The following CAMTA1 variants were observed in gnomAD, a reference collection of about 807,000 sequenced individuals.
CAMTA1 encodes the protein calmodulin binding transcription activator 1, also known as calmodulin-binding transcription activator 1.
In CAMTA1, 27 loss-of-function variants were observed where a neutral mutation model predicts 170.9. The ratio of observed to expected loss-of-function variants is 0.16; its 90% CI spans 0.12 to 0.22. The LOEUF (loss-of-function observed/expected upper bound fraction) is 0.22, where lower values mean the gene tolerates loss of function less well. Ranked by LOEUF, CAMTA1 falls within the 10% of genes least tolerant of loss-of-function variation. The probability of loss-of-function intolerance (pLI) is 1.00; values close to 1 mark genes in which losing one functional copy is unlikely to be tolerated. For synonymous variants in CAMTA1, 833 were observed against 891.5 expected, an observed-to-expected ratio of 0.93 and a Z score of 1.17; for missense variants, 1,619 against 2,217.2, an observed-to-expected ratio of 0.73 and a Z score of 5.42.
intron 5 of CAMTA1, among the ~76,000 whole-genome samples, chr1:7,423,912 AC>A (rs2091730160): frequency 6.6e-6 from 1 of 152,190 alleles, no homozygotes. Context: ...AATGCTGCTT[AC>A]ACCTTTATCA....
At chr1:7,073,240 T>A (rs1261687884) in intron 3 of CAMTA1, among the ~76,000 whole-genome samples, 1 of 152,080 alleles carries the variant, frequency 6.6e-6, no homozygotes, top group African/African-American at 2.4e-5. Flanking sequence ...GGGGGGAAGC[T>A]ACAGAAAGAA....
chr1:7,732,340 G>C lies in CAMTA1; in HGVS notation c.2915-108G>C, dbSNP rs2096740061. The C allele has an allele frequency of 1.1e-6, 1 of 901,644 alleles. No individual in the cohort carries two copies. Among genetic ancestry groups the C allele is most frequent in the Admixed American group, 1.9e-5 (1 of 51,290 alleles). The allele number at this position is 901,644 out of a possible 1,614,324, so 55.9% of individuals were successfully genotyped here. A position where few individuals can be genotyped will look rare whatever the true frequency, so the allele number is the denominator to read the frequency against. ...CTGGCGGAGACCTCTCTGGTTTGGT[G>C]AAGTTACGGACGGCATTTGGATGCT... On this transcript the variant is annotated intron_variant, in intron 11 of 22. Transcript: ENST00000303635. The surrounding 1 kb of genome is among the most constrained non-coding windows in gnomAD (Gnocchi z 4.1).
At chr1:6,910,660 G>A (rs969313126) in intron 3 of CAMTA1, among the ~76,000 whole-genome samples, 1 of 152,234 alleles carries the variant, frequency 6.6e-6, no homozygotes, top group African/African-American at 2.4e-5. Context: ...TGTCCTTGCA[G>A]TCCATCTTGT....
chr1:7,340,485 A>T (rs1416505425), intron 5 of CAMTA1, among the ~76,000 whole-genome samples: 1 of 151,770 alleles, frequency 6.6e-6, no homozygotes. Context: ...AGGGCCCAGG[A>T]AGTAGCCCTT....
chr1:7,177,706 A>G (rs1481645764), intron 4 of CAMTA1, among the ~76,000 whole-genome samples: 1 of 146,960 alleles, frequency 6.8e-6, no homozygotes, highest in Non-Finnish European at 1.5e-5. Flanking sequence ...CTCCCCACAC[A>G]CAGTCCCACA....
chr1:6,862,756 A>G (rs1453891835), intron 3 of CAMTA1, among the ~76,000 whole-genome samples: 1 of 152,146 alleles, frequency 6.6e-6, no homozygotes, highest in Admixed American at 6.5e-5. Context: ...GCATCATTTA[A>G]AGGTGGAATT....
intron 4 of CAMTA1, among the ~76,000 whole-genome samples, chr1:7,100,974 C>A (rs1642647581): frequency 6.6e-6 from 1 of 152,236 alleles, no homozygotes; most frequent in African/African-American, 2.4e-5. Flanking sequence ...GACACCCCAA[C>A]AGGAGACTGC....
In CAMTA1 at chr1:7,635,557, C is replaced by T. The variant is rs981903742; in HGVS notation, c.511-4843C>T. 2.0e-5 allele frequency among the ~76,000 whole-genome samples: 3 copies of T among 150,124 alleles called. No homozygotes were observed. The highest frequency in any genetic ancestry group is 4.2e-4 in the South Asian group (2 of 4,736). The stretch of plus-strand genomic sequence containing the variant: ...CCGGGAGGCGGAGGTTGCAGTGAGC[C>T]GAGATCGCGCCACTGCACTCCAGCC... On this transcript the variant is annotated intron_variant, in intron 6 of 22. Transcript: ENST00000303635. The surrounding 1 kb of genome is among the most constrained non-coding windows in gnomAD (Gnocchi z 4.4).
In CAMTA1 at chr1:7,535,410, G is replaced by A. The variant is rs150330149; in HGVS notation, c.510+67509G>A. Reference sequence around the variant, plus strand: ...GTGCAGGGGCAGGCTCAATCTTTACGTCAGACAGAGTATGTGGGCTCAGGA... The same window carrying A: ...GTGCAGGGGCAGGCTCAATCTTTACATCAGACAGAGTATGTGGGCTCAGGA... On this transcript the variant is annotated intron_variant, in intron 6 of 22. Coordinates refer to ENST00000303635, the MANE Select transcript of CAMTA1 (RefSeq NM_015215.4). Among the ~76,000 whole-genome samples, 408 of 152,254 alleles carry A rather than the reference G, an allele frequency of 2.7e-3. 2 individuals carry two copies. Among genetic ancestry groups the A allele is most frequent in the African/African-American group, 8.4e-3 (350 of 41,550 alleles).
chr1:7,169,547 C>T (rs1435976163), intron 4 of CAMTA1, among the ~76,000 whole-genome samples: 5 of 151,972 alleles, frequency 3.3e-5, no homozygotes, highest in African/African-American at 1.2e-4. Flanking sequence ...TTGCTCATGC[C>T]AGGCTGGAGT....
intron 4 of CAMTA1, among the ~76,000 whole-genome samples, chr1:7,213,413 G>C (rs929905129): frequency 6.6e-6 from 1 of 151,966 alleles, no homozygotes; most frequent in African/African-American, 2.4e-5. Flanking sequence ...ATTCTCTTTG[G>C]TGAATTACCT....
intron 5 of CAMTA1, among the ~76,000 whole-genome samples, chr1:7,267,244 T>G (rs567480062): frequency 1.3e-4 from 20 of 152,294 alleles, no homozygotes; most frequent in Non-Finnish European, 2.4e-4. Context: ...CTGGGATGGA[T>G]TTTAGATGGC....
intron 3 of CAMTA1, among the ~76,000 whole-genome samples, chr1:7,087,234 G>A (rs1384688414): frequency 1.3e-5 from 2 of 152,140 alleles, no homozygotes. Flanking sequence ...TCCCCTCGTC[G>A]GCGGGAGCAT....
intron 3 of CAMTA1, among the ~76,000 whole-genome samples, chr1:6,879,217 T>C (rs1450390781): frequency 6.6e-6 from 1 of 152,176 alleles, no homozygotes; most frequent in Non-Finnish European, 1.5e-5. Flanking sequence ...AACTCAGTCA[T>C]CCTAGGAGAA....
At chr1:7,514,409 C>A (rs374500992) in intron 6 of CAMTA1, among the ~76,000 whole-genome samples, 2 of 152,222 alleles carry the variant, frequency 1.3e-5, no homozygotes. Context: ...AGGGCATTGA[C>A]TTGTTCTGCA....
intron 11 of CAMTA1, among the ~76,000 whole-genome samples, chr1:7,725,136 A>AT (rs758766593): frequency 2.0e-5 from 3 of 152,178 alleles, no homozygotes; most frequent in Non-Finnish European, 2.9e-5. Context: ...CGTCAGAATG[A>AT]TTGAGTTTTT....
intron 3 of CAMTA1, among the ~76,000 whole-genome samples, chr1:6,900,620 T>C (rs895979594): frequency 2.0e-5 from 3 of 152,136 alleles, no homozygotes; most frequent in African/African-American, 7.2e-5. Flanking sequence ...ACAAGATCAA[T>C]TGTATTTCTA....
At chr1:7,702,361 C>T (rs1479185499) in intron 11 of CAMTA1, among the ~76,000 whole-genome samples, 1 of 152,180 alleles carries the variant, frequency 6.6e-6, no homozygotes, top group Non-Finnish European at 1.5e-5. Flanking sequence ...ACAACAACAA[C>T]AGGAAAAAGA....
intron 3 of CAMTA1, among the ~76,000 whole-genome samples, chr1:6,875,443 T>C (rs1330759317): frequency 2.0e-5 from 3 of 152,030 alleles, no homozygotes; most frequent in African/African-American, 4.8e-5. Context: ...CGACCACACC[T>C]AGCTAATTTT....
Sources: gnomAD v4.1 joint callset for allele counts (sites outside exome capture counted in the v4.1 genomes callset) on GRCh38, gnomAD v4.1.1 for gene constraint, Gnocchi (gnomAD v3.1) non-coding constraint, MANE v1.5 for transcripts, NCBI Gene and HGNC (gene_info 2026-07-23, HGNC 2026-07-21) for gene names.